Variants in AMOTL2 observed in about 807,000 individuals in gnomAD.
AMOTL2 encodes angiomotin like 2.
A neutral mutation model predicts 78.4 loss-of-function variants in AMOTL2; 33 were observed. The ratio of observed to expected loss-of-function variants is 0.42; its 90% CI spans 0.32 to 0.56. The LOEUF (loss-of-function observed/expected upper bound fraction) is 0.56, where lower values mean the gene tolerates loss of function less well. AMOTL2 is among the 20% of genes least tolerant of loss of function. AMOTL2 has a pLI of 0.12. For missense variants in AMOTL2, 983 were observed against 1,030.1 expected, an observed-to-expected ratio of 0.95 and a Z score of 0.63; for synonymous variants, 422 against 428.8, an observed-to-expected ratio of 0.98 and a Z score of 0.20.
intron 1 of AMOTL2, among the ~76,000 whole-genome samples, chr3:134,373,351 A>G (rs1195403235): frequency 1.3e-5 from 2 of 151,898 alleles, no homozygotes; most frequent in Non-Finnish European, 2.9e-5. Context: ...AGCCTTCCTG[A>G]CAGATTCCAG....
intron 1 of AMOTL2, among the ~76,000 whole-genome samples, chr3:134,372,444 GTCT>G (rs1278399701): frequency 2.6e-5 from 2 of 76,996 alleles, no homozygotes; most frequent in African/African-American, 2.0e-4. Context: ...TAGTGGGTCA[GTCT>G]TTTGTGCTGA....
Position 134,359,299 on chromosome 3 carries a change from AG to A in AMOTL2, c.2087del (p.Pro696LeufsTer4), listed in dbSNP as rs1353581235. On this transcript the variant is annotated frameshift_variant, in exon 8 of 10. Coordinates refer to ENST00000249883, the MANE Select transcript of AMOTL2 (RefSeq NM_016201.4). LOFTEE classifies it high-confidence loss of function. ...SSSERQTADA[P>X]ARLTTADRAP... ...TCCTCTTACCTGTAGTCAGCCGAGC[AG>A]GGGCGTCTGCTGTTTGTCGCTCACT... 1 of 1,614,076 alleles carries A rather than the reference AG, an allele frequency of 6.2e-7. No homozygotes were observed. The highest frequency in any genetic ancestry group is 8.5e-7 in the Non-Finnish European group (1 of 1,180,026).
At position 134,367,686 on chromosome 3, in the gene AMOTL2, G is replaced by C. The variant is rs546120780; in HGVS notation, c.852C>G (p.Pro284=). 1.9e-6 allele frequency: 3 copies of C among 1,613,510 alleles called. No homozygotes were observed. Among genetic ancestry groups the C allele is most frequent in the Non-Finnish European group, 2.5e-6 (3 of 1,180,020 alleles). The change falls in exon 3 of 10, where the codon CCC becomes CCG. Residue 284 remains proline, a synonymous_variant. Transcript: ENST00000249883. The stretch of plus-strand genomic sequence containing the variant: ...CAGCAGGTGGACTGAGGGAGCTCAG[G>C]GGGCCATGGCCGAGAGCAGCTGGAT... ...PPHPAALGHG[P]LSSLSPPAVE...
At chr3:134,369,766 C>T (rs2017772235) in intron 2 of AMOTL2, among the ~76,000 whole-genome samples, 1 of 152,138 alleles carries the variant, frequency 6.6e-6, no homozygotes, top group Non-Finnish European at 1.5e-5. Context: ...CCTTGGGGTC[C>T]CTTGGTGGGG....
rs373892541 is a variant in AMOTL2 at position 134,365,976 on chromosome 3, G to T, written c.1187-67C>A. The T allele has an allele frequency of 5.4e-6, 8 of 1,481,334 alleles. No homozygotes were observed. In the Middle Eastern group the frequency reaches 5.2e-4, roughly 96 times the overall value. 91.8% of individuals were successfully genotyped at this position (1,481,334 alleles called of 1,614,324 possible). On this transcript the variant is annotated intron_variant, in intron 4 of 9. Coordinates refer to ENST00000249883, the MANE Select transcript of AMOTL2 (RefSeq NM_016201.4). ...CTGCCAGCTTGGGATTTTTCCTGAC[G>T]TCCTATCAGGATGGGGCTGTATCCT...
rs754405396 is a variant in AMOTL2 at position 134,371,168 on chromosome 3, T to C, written c.266A>G (p.Asn89Ser). 6.2e-7 allele frequency: 1 copy of C among 1,613,906 alleles called. No individual in the cohort carries two copies. The highest frequency in any genetic ancestry group is 1.3e-5 in the African/African-American group (1 of 75,014). ...HQGGENHLAE[N>S]TLYRLCPQPS... Reference sequence around the variant, plus strand: ...CTGTGGGCATAGCCGGTAGAGGGTGTTCTCTGCCAGGTGGTTCTCACCGCC... The same window carrying C: ...CTGTGGGCATAGCCGGTAGAGGGTGCTCTCTGCCAGGTGGTTCTCACCGCC... Residue 89 changes from asparagine to serine, a missense_variant, in exon 2 of 10, where the codon AAC (asparagine) becomes AGC (serine). Asn to Ser is a conservative substitution (Grantham distance 46). Coordinates refer to ENST00000249883, the MANE Select transcript of AMOTL2 (RefSeq NM_016201.4).
chr3:134,361,522 C>T lies in AMOTL2; in HGVS notation c.1565G>A (p.Arg522His), dbSNP rs1298627586. 9.9e-6 allele frequency: 16 copies of T among 1,609,670 alleles called. No individual in the cohort carries two copies. Among genetic ancestry groups the T allele is most frequent in the South Asian group, 2.2e-5 (2 of 90,484 alleles). The change falls in exon 6 of 10, where the codon CGT becomes CAT. Residue 522 changes from arginine to histidine, a missense_variant. Coordinates refer to ENST00000249883, the MANE Select transcript of AMOTL2 (RefSeq NM_016201.4). Reference protein sequence around the residue: ...TRLEQELKALRAQQRQAGAPG... With the variant: ...TRLEQELKALHAQQRQAGAPG... ...ACTTTCTCAGCTCACCTGCTGTGCA[C>T]GCAGGGCCTTGAGTTCCTGCTCCAG... is the stretch of plus-strand genomic sequence containing the variant.
chr3:134,363,847 A>C (rs573101398), intron 5 of AMOTL2, among the ~76,000 whole-genome samples: 11 of 152,224 alleles, frequency 7.2e-5, no homozygotes, highest in Non-Finnish European at 1.0e-4. Flanking sequence ...CGGAGGACCC[A>C]GCCCTCTGCT....
Position 134,355,894 on chromosome 3 carries a change from T to A in AMOTL2, c.*1811A>T, listed in dbSNP as rs2017057927. On this transcript the variant is annotated 3_prime_UTR_variant, in exon 10 of 10. Coordinates refer to ENST00000249883, the MANE Select transcript of AMOTL2 (RefSeq NM_016201.4). ...GACATCACTTTTAATTATTTTTTTT[T>A]AATTAAAATACTGTTATACCCAGTG... is the stretch of plus-strand genomic sequence containing the variant. 1 of 152,614 alleles carries A rather than the reference T, an allele frequency of 6.6e-6. No individual in the cohort carries two copies. The highest frequency in any genetic ancestry group is 2.1e-4 in the South Asian group (1 of 4,834). The allele number at this position is 152,614 out of a possible 1,614,324, so 9.5% of individuals were successfully genotyped here.
intron 5 of AMOTL2, among the ~76,000 whole-genome samples, chr3:134,363,524 T>C (rs1398546395): frequency 6.6e-6 from 1 of 152,180 alleles, no homozygotes; most frequent in Admixed American, 6.5e-5. Flanking sequence ...TCTCATCTTA[T>C]AGCTGGAGAA....
Position 134,359,515 on chromosome 3 carries a change from G to A in AMOTL2, c.1884-12C>T. 6.2e-7 allele frequency: 1 copy of A among 1,604,462 alleles called. No individual in the cohort carries two copies. The highest frequency in any genetic ancestry group is 8.5e-7 in the Non-Finnish European group (1 of 1,173,666). On this transcript the variant is annotated splice_polypyrimidine_tract_variant and intron_variant, in intron 7 of 9. Transcript: ENST00000249883. ...GGAGCACCTTTAACCTGAGGGGTGA[G>A]AGGCCATGCCCACATTGTCAGACCC...
chr3:134,374,119 G>A, intron 1 of AMOTL2: 1 of 603,158 alleles, frequency 1.7e-6, no homozygotes, highest in Non-Finnish European at 2.1e-6. Flanking sequence ...AGACCCGCGC[G>A]TTTCTAGAGC....
At position 134,366,300 on chromosome 3, in the gene AMOTL2, A is replaced by T. The variant is rs1357678773; in HGVS notation, c.1169T>A (p.Phe390Tyr). The T allele has an allele frequency of 1.9e-6, 3 of 1,614,160 alleles. No homozygotes were observed. The Admixed American group carries it at 5.0e-5, about 27-fold the overall frequency. ...GCTCTCACCTCTAAGATCCCGGTTG[A>T]AGTCTTGCAGCCTCCTCATTTCACT... Reference protein sequence around the residue: ...MDSEMRRLQDFNRDLRERLES... With the variant: ...MDSEMRRLQDYNRDLRERLES... The change falls in exon 4 of 10, where the codon TTC (phenylalanine) becomes TAC (tyrosine). Residue 390 changes from phenylalanine (F) to tyrosine (Y), a missense_variant. Coordinates refer to ENST00000249883, the MANE Select transcript of AMOTL2 (RefSeq NM_016201.4).
rs531559186 is a variant in AMOTL2 at position 134,359,624 on chromosome 3, G to C, written c.1884-121C>G. The C allele has an allele frequency of 1.6e-5, 13 of 791,878 alleles. No homozygotes were observed. The Admixed American group carries it at 3.0e-4, about 18-fold the overall frequency. 49.1% of individuals were successfully genotyped at this position (791,878 alleles called of 1,614,324 possible). A position where few individuals can be genotyped will look rare whatever the true frequency, so the allele number is the denominator to read the frequency against. On this transcript the variant is annotated intron_variant, in intron 7 of 9. Transcript: ENST00000249883. ...CAACTCCCCCAACCCTGCCAGGCTGGATCCTTCTGTGCTTGTAGCAGGGAC... is the reference window on the plus strand; with the variant it reads ...CAACTCCCCCAACCCTGCCAGGCTGCATCCTTCTGTGCTTGTAGCAGGGAC...
At chr3:134,371,663 A>G (rs12495847) in intron 1 of AMOTL2, 169 bp from the exon 2 acceptor site, 390,555 of 1,078,392 alleles carry the variant, frequency 0.36, 81,020 homozygotes, top group East Asian at 0.93. Flanking sequence ...GCTGCCATCT[A>G]CTGATTAAGA....
chr3:134,360,303 C>T lies in AMOTL2; in HGVS notation c.1686G>A (p.Leu562=), dbSNP rs1400681503. The change falls in exon 7 of 10, where the codon CTG becomes CTA. Residue 562 remains leucine (L), a synonymous_variant. Transcript: ENST00000249883. ...LREKEEQILA[L]EADMTKWEQK... ...GCTCCCACTTGGTCATGTCGGCCTC[C>T]AGCGCCAGGATCTGCTCCTCCTTCT... 6.2e-7 allele frequency: 1 copy of T among 1,614,228 alleles called. No individual in the cohort carries two copies. The highest frequency in any genetic ancestry group is 1.7e-5 in the Admixed American group (1 of 60,024).
intron 2 of AMOTL2, among the ~76,000 whole-genome samples, 169 bp downstream of exon 2, chr3:134,370,531 C>T (rs2017799978): frequency 6.6e-6 from 1 of 152,216 alleles, no homozygotes; most frequent in African/African-American, 2.4e-5. Flanking sequence ...CTTAGGGGAC[C>T]TCAGCTAAGT....
intron 1 of AMOTL2, 155 bp downstream of exon 1, chr3:134,374,187 G>T: frequency 1.0e-6 from 1 of 963,226 alleles, no homozygotes; most frequent in Non-Finnish European, 1.2e-6. Context: ...CAGGCACTGC[G>T]GCTGCCTCGA....
At position 134,357,626 on chromosome 3, in the gene AMOTL2, G is replaced by C. The variant is rs1057154295; in HGVS notation, c.*79C>G. On this transcript the variant is annotated 3_prime_UTR_variant, in exon 10 of 10. Coordinates refer to ENST00000249883, the MANE Select transcript of AMOTL2 (RefSeq NM_016201.4). Reference sequence around the variant, plus strand: ...GGAAAGGGACGGAGCAGCGGTTGACGGGGCTGCTGAAATGGCTGAGAGTGG... The same window carrying C: ...GGAAAGGGACGGAGCAGCGGTTGACCGGGCTGCTGAAATGGCTGAGAGTGG... 1.4e-6 allele frequency: 2 copies of C among 1,411,078 alleles called. No individual in the cohort carries two copies. The highest frequency in any genetic ancestry group is 2.0e-6 in the Non-Finnish European group (2 of 995,282). 87.4% of individuals were successfully genotyped at this position (1,411,078 alleles called of 1,614,324 possible).
Sources: gnomAD v4.1 joint callset for allele counts (sites outside exome capture counted in the v4.1 genomes callset) on GRCh38, gnomAD v4.1.1 for gene constraint, MANE v1.5 for transcripts, NCBI Gene and HGNC (gene_info 2026-07-23, HGNC 2026-07-21) for gene names.